ENAH: variants seen among roughly 807,000 people sequenced by gnomAD.
ENAH encodes ENAH actin regulator.
In ENAH, 23 loss-of-function variants were observed where a neutral mutation model predicts 78.7. That is an observed-to-expected ratio of 0.29 (90% CI 0.21 to 0.41). The LOEUF is 0.41. Ranked by LOEUF, ENAH falls within the 10% of genes least tolerant of loss-of-function variation. ENAH has a pLI of 1.00. For synonymous variants in ENAH, 226 were observed against 241.0 expected, an observed-to-expected ratio of 0.94 and a Z score of 0.58; for missense variants, 544 against 691.0, an observed-to-expected ratio of 0.79 and a Z score of 2.39.
In ENAH at chr1:225,650,174, T is replaced by C. The variant is rs535426991; in HGVS notation, c.5+2512A>G. On this transcript the variant is annotated intron_variant, in intron 1 of 13. Coordinates refer to ENST00000366843, the MANE Select transcript of ENAH (RefSeq NM_018212.6). ...CAAATCTAAGTACTACCTAACCACC[T>C]GCCAAATAATCCAGTACCTTCCAAA... Among the ~76,000 whole-genome samples, 3 of 152,312 alleles carry C rather than the reference T, an allele frequency of 2.0e-5. No homozygotes were observed. In the South Asian group the frequency reaches 6.2e-4, roughly 32 times the overall value.
chr1:225,593,130 A>T (rs952680651), intron 1 of ENAH, among the ~76,000 whole-genome samples: 1 of 152,148 alleles, frequency 6.6e-6, no homozygotes, highest in African/African-American at 2.4e-5. Flanking sequence ...GAAAAGATTG[A>T]TAAGAGATGG....
In ENAH at chr1:225,522,083, C is replaced by T. The variant is rs74149803; in HGVS notation, c.435-2518G>A. On this transcript the variant is annotated intron_variant, in intron 4 of 13. Coordinates refer to ENST00000366843, the MANE Select transcript of ENAH (RefSeq NM_018212.6). ...GTGCTGGGATTACAGGTGTGAGCCA[C>T]CGCGCCCGGCCCAACAATAGTTATT... Among the ~76,000 whole-genome samples the T allele has an allele frequency of 9.9e-3, 1,511 of 152,312 alleles. 26 individuals are homozygous for T. The highest frequency in any genetic ancestry group is 0.035 in the African/African-American group (1,438 of 41,554).
At chr1:225,605,838 C>G (rs2096953035) in intron 1 of ENAH, among the ~76,000 whole-genome samples, 1 of 152,076 alleles carries the variant, frequency 6.6e-6, no homozygotes, top group Admixed American at 6.5e-5. Context: ...AGAAGGAGAG[C>G]CATCTGCAAG....
rs1575581530 is a variant in ENAH at position 225,574,611 on chromosome 1, T to TAAAAAAAA, written c.6-7205_6-7198dup. Among the ~76,000 whole-genome samples the TAAAAAAAA allele has an allele frequency of 6.5e-4, 17 of 26,128 alleles. 6 individuals carry two copies. The highest frequency in any genetic ancestry group is 4.1e-3 in the African/African-American group (17 of 4,162). The allele number at this position is 26,128 out of a possible 152,430, so 17.1% of individuals were successfully genotyped here. A position where few individuals can be genotyped will look rare whatever the true frequency, so the allele number is the denominator to read the frequency against. On this transcript the variant is annotated intron_variant, in intron 1 of 13. Transcript: ENST00000366843. ...AGTGAGACTCTGTCTCCAAAATATA[T>TAAAAAAAA]AAAAAAAAGGCCGGGCGCGGTGGCT...
At chr1:225,532,029 A>G (rs1411145283) in intron 3 of ENAH, among the ~76,000 whole-genome samples, 5 of 152,078 alleles carry the variant, frequency 3.3e-5, no homozygotes, top group African/African-American at 7.2e-5. Context: ...CCATGTAATC[A>G]ATAACAAAAA....
intron 2 of ENAH, among the ~76,000 whole-genome samples, chr1:225,563,851 T>C (rs1017966657): frequency 6.6e-6 from 1 of 152,226 alleles, no homozygotes; most frequent in Non-Finnish European, 1.5e-5. Context: ...TAGATTTCAT[T>C]TGTAAATGCT....
chr1:225,598,278 T>C (rs944806544), intron 1 of ENAH, among the ~76,000 whole-genome samples: 1 of 151,946 alleles, frequency 6.6e-6, no homozygotes, highest in Non-Finnish European at 1.5e-5. Context: ...TCTTGCTGTT[T>C]TCTAAAAGAT....
intron 1 of ENAH, among the ~76,000 whole-genome samples, chr1:225,585,877 T>C (rs1302589886): frequency 6.6e-6 from 1 of 152,032 alleles, no homozygotes; most frequent in East Asian, 1.9e-4. Flanking sequence ...AATGCATATA[T>C]GAGAAAAGAA....
At chr1:225,561,786 T>C (rs1460561332) in intron 2 of ENAH, among the ~76,000 whole-genome samples, 1 of 152,058 alleles carries the variant, frequency 6.6e-6, no homozygotes, top group Non-Finnish European at 1.5e-5. Context: ...GGTGGTGACG[T>C]TCCATCTCAC....
rs778983588 is a variant in ENAH, at chr1:225,514,778, C to T, written c.1036G>A (p.Gly346Arg). 2 of 884,964 alleles carry T rather than the reference C, an allele frequency of 2.3e-6. No individual in the cohort carries two copies. The highest frequency in any genetic ancestry group is 4.2e-5 in the African/African-American group (1 of 23,560). 54.8% of individuals were successfully genotyped at this position (884,964 alleles called of 1,614,324 possible). A position where few individuals can be genotyped will look rare whatever the true frequency, so the allele number is the denominator to read the frequency against. ...GGGGGAGGAGGGGGCGGTGGAGGCC[C>T]GGTGGATGGGAGTGGAGGAGGTGGA... ...PPPPPPLPST[G>R]PPPPPPPPPL... Residue 346 changes from glycine (G) to arginine (R), a missense_variant, in exon 7 of 14, where the codon GGG (glycine) becomes AGG (arginine). Gly to Arg is a moderately radical substitution (Grantham distance 125, BLOSUM62 -2). This residue lies in a region of ENAH where 366 missense variants were observed against 396.1 expected (regional missense o/e 0.92). Coordinates refer to ENST00000366843, the MANE Select transcript of ENAH (RefSeq NM_018212.6).
intron 1 of ENAH, among the ~76,000 whole-genome samples, chr1:225,612,066 G>A (rs947969416): frequency 4.6e-5 from 7 of 151,992 alleles, no homozygotes; most frequent in Non-Finnish European, 8.8e-5. Context: ...CATGTAACCC[G>A]GCCAATTCCA....
chr1:225,608,156 A>G (rs1189404291), intron 1 of ENAH, among the ~76,000 whole-genome samples: 1 of 151,486 alleles, frequency 6.6e-6, no homozygotes, highest in Non-Finnish European at 1.5e-5. Flanking sequence ...ACAAAAGAAA[A>G]GCTTTTCAAA....
chr1:225,642,545 C>G (rs1661266016), intron 1 of ENAH, among the ~76,000 whole-genome samples: 1 of 152,120 alleles, frequency 6.6e-6, no homozygotes, highest in South Asian at 2.1e-4. Flanking sequence ...CGTAGCACAT[C>G]TGCAGTCTCA....
chr1:225,640,186 T>C (rs1660785150), intron 1 of ENAH, among the ~76,000 whole-genome samples: 1 of 152,238 alleles, frequency 6.6e-6, no homozygotes, highest in African/African-American at 2.4e-5. Flanking sequence ...TTTCATGTGA[T>C]CTTACAATTT....
intron 1 of ENAH, among the ~76,000 whole-genome samples, chr1:225,608,897 C>A (rs1431665727): frequency 7.3e-6 from 1 of 136,762 alleles, no homozygotes; most frequent in Non-Finnish European, 1.6e-5. Flanking sequence ...ACTCTAGAAA[C>A]AAGTCACTTG....
chr1:225,627,788 A>C (rs570866890), intron 1 of ENAH, among the ~76,000 whole-genome samples: 2 of 152,328 alleles, frequency 1.3e-5, no homozygotes, highest in African/African-American at 4.8e-5. Flanking sequence ...ACTGAATGTA[A>C]CTTTCAGACG....
chr1:225,542,535 G>A (rs1043180536), intron 3 of ENAH, among the ~76,000 whole-genome samples: 2 of 152,008 alleles, frequency 1.3e-5, no homozygotes, highest in African/African-American at 4.8e-5. Flanking sequence ...GACAATTCCT[G>A]GTATTTCAAG....
At chr1:225,643,796 G>T (rs1661492709) in intron 1 of ENAH, among the ~76,000 whole-genome samples, 1 of 152,186 alleles carries the variant, frequency 6.6e-6, no homozygotes, top group Non-Finnish European at 1.5e-5. Context: ...CAATTAGAGG[G>T]TGTGGTGGCG....
intron 3 of ENAH, among the ~76,000 whole-genome samples, chr1:225,543,219 G>A (rs1262948988): frequency 4.6e-5 from 7 of 152,168 alleles, no homozygotes; most frequent in Admixed American, 4.6e-4. Flanking sequence ...AGTCTTCAAA[G>A]TGGGACTGAT....
Sources: allele counts gnomAD v4.1 joint callset (sites outside exome capture counted in the v4.1 genomes callset), GRCh38; gene constraint gnomAD v4.1.1; regional missense constraint gnomAD v4.1.1; transcripts MANE v1.5; gene names NCBI Gene and HGNC (gene_info 2026-07-23, HGNC 2026-07-21).